The following MICAL3 variants were observed in gnomAD, a reference collection of about 807,000 sequenced individuals.
MICAL3 encodes microtubule associated monooxygenase, calponin and LIM domain containing 3, also known as [F-actin]-monooxygenase MICAL3.
A neutral mutation model predicts 207.4 loss-of-function variants in MICAL3; 62 were observed. The ratio of observed to expected loss-of-function variants is 0.30; its 90% confidence interval spans 0.24 to 0.37. MICAL3 has a LOEUF of 0.37. Ranked by LOEUF, MICAL3 falls within the 10% of genes least tolerant of loss-of-function variation. The pLI, the probability that MICAL3 is intolerant of heterozygous loss-of-function variation, is 1.00. For missense variants in MICAL3, 2,368 were observed against 2,635.6 expected, an observed-to-expected ratio of 0.90 and a Z score of 2.22; for synonymous variants, 1,077 against 1,069.3, an observed-to-expected ratio of 1.01 and a Z score of -0.14.
At chr22:18,023,403 A>G (rs13053861) in intron 1 of MICAL3, among the ~76,000 whole-genome samples, 22,295 of 152,002 alleles carry the variant, frequency 0.15, 1,894 homozygotes, top group Non-Finnish European at 0.19. Context: ...CTTTCAGCCT[A>G]CAGCTTGTCT....
intron 1 of MICAL3, among the ~76,000 whole-genome samples, chr22:17,932,231 A>C (rs368204189): frequency 5.3e-5 from 8 of 152,294 alleles, no homozygotes; most frequent in African/African-American, 1.9e-4. Flanking sequence ...CCAGAGAGAA[A>C]GGTCGAGTTA....
chr22:17,929,081 C>T lies in MICAL3; in HGVS notation c.-74-22195G>A, dbSNP rs571969230. 3.8e-4 allele frequency among the ~76,000 whole-genome samples: 57 copies of T among 149,114 alleles called. 1 individual carries two copies. The highest frequency in any genetic ancestry group is 1.9e-3 in the South Asian group (9 of 4,718). On this transcript the variant is annotated intron_variant, in intron 1 of 31. Transcript: ENST00000441493. ...GTGCTGGGATTACAAGCATGAGCCA[C>T]GGTGCCCGGCCCTTTTTTTTTTTTT... is the stretch of plus-strand genomic sequence containing the variant.
In MICAL3 at chr22:17,849,393, G is replaced by A. The variant is rs561829550; in HGVS notation, c.2606-7376C>T. The stretch of plus-strand genomic sequence containing the variant: ...TCTATTGTCCCAGCTACAGTGCACC[G>A]GTGCAATCATGGCTCAATGCAGACT... On this transcript the variant is annotated intron_variant, in intron 19 of 31. Transcript: ENST00000441493. Among the ~76,000 whole-genome samples, 38 of 152,310 alleles carry A rather than the reference G, an allele frequency of 2.5e-4. No individual in the cohort carries two copies. The East Asian group carries it at 3.7e-3, about 15-fold the overall frequency.
intron 19 of MICAL3, chr22:17,863,162 C>G: frequency 2.0e-6 from 2 of 985,450 alleles, no homozygotes; most frequent in Non-Finnish European, 2.4e-6. Context: ...AGAATGGCAA[C>G]CTCGACCAGA....
At chr22:17,866,613 CAGAATAGAAT>C (rs60628065) in intron 17 of MICAL3, among the ~76,000 whole-genome samples, 3,875 of 136,258 alleles carry the variant, frequency 0.028, 75 homozygotes, top group Middle Eastern at 0.043. Context: ...TAGAACAGAA[CAGAATAGAAT>C]AGAATAGAAT....
At chr22:17,961,017 G>A (rs1010531881) in intron 1 of MICAL3, among the ~76,000 whole-genome samples, 1 of 152,086 alleles carries the variant, frequency 6.6e-6, no homozygotes, top group Non-Finnish European at 1.5e-5. Flanking sequence ...GTCTGAGCAG[G>A]GAAGAATGAC....
At position 18,009,368 on chromosome 22, in the gene MICAL3, T is replaced by TAC. The variant is rs959849539; in HGVS notation, c.-75+14911_-75+14912dup. On this transcript the variant is annotated intron_variant, in intron 1 of 31. Transcript: ENST00000441493. ...TATTATATATAAAGATATATTAAAATACACACACACACACATTCTGTAGGA... is the reference window on the plus strand; with the variant it reads ...TATTATATATAAAGATATATTAAAATACACACACACACACACATTCTGTAGGA... Among the ~76,000 whole-genome samples, 29 of 107,212 alleles carry TAC rather than the reference T, an allele frequency of 2.7e-4. No homozygotes were observed. The East Asian group carries it at 3.5e-3, about 13-fold the overall frequency. 70.3% of individuals were successfully genotyped at this position (107,212 alleles called of 152,430 possible).
intron 1 of MICAL3, among the ~76,000 whole-genome samples, chr22:17,935,189 C>T (rs544612243): frequency 5.9e-5 from 9 of 152,216 alleles, no homozygotes; most frequent in African/African-American, 2.2e-4. Flanking sequence ...TACTACAAGG[C>T]TACAGTAACC....
chr22:18,013,565 A>G (rs549039689), intron 1 of MICAL3, among the ~76,000 whole-genome samples: 6 of 152,296 alleles, frequency 3.9e-5, no homozygotes, highest in South Asian at 2.1e-4. Flanking sequence ...CCCACTTCCC[A>G]CATAAAAATG....
Position 17,850,400 on chromosome 22 carries a change from G to GTT in MICAL3, c.2606-8385_2606-8384dup, listed in dbSNP as rs565667574. 4.8e-3 allele frequency among the ~76,000 whole-genome samples: 359 copies of GTT among 74,408 alleles called. 48 individuals are homozygous for GTT. The highest frequency in any genetic ancestry group is 0.013 in the African/African-American group (238 of 18,210). 48.8% of individuals were successfully genotyped at this position (74,408 alleles called of 152,430 possible). ...CTGTGGAACTTTTGCTTTTGAATTA[G>GTT]TTTTTTTTTTTTTTTTTTTTTTTTT... is the stretch of plus-strand genomic sequence containing the variant. On this transcript the variant is annotated intron_variant, in intron 19 of 31. Coordinates refer to ENST00000441493, the MANE Select transcript of MICAL3 (RefSeq NM_015241.3).
At chr22:17,934,562 C>T (rs1602246674) in intron 1 of MICAL3, among the ~76,000 whole-genome samples, 1 of 152,298 alleles carries the variant, frequency 6.6e-6, no homozygotes, top group South Asian at 2.1e-4. Context: ...CAAGGATGCC[C>T]TCTCTCACCA....
At chr22:17,852,989 C>T (rs141473252) in intron 19 of MICAL3, among the ~76,000 whole-genome samples, 4 of 151,544 alleles carry the variant, frequency 2.6e-5, no homozygotes, top group Admixed American at 6.6e-5. Context: ...GCAGGAGAAT[C>T]GCTTGAACCT....
chr22:17,861,903 C>T, intron 19 of MICAL3: 1 of 985,384 alleles, frequency 1.0e-6, no homozygotes, highest in African/African-American at 1.7e-5. Context: ...CTTTGAACTG[C>T]AGGTTGTAAT....
chr22:17,832,250 C>T (rs986709029), intron 20 of MICAL3, 143 bp from the exon 21 acceptor site: 43 of 1,123,928 alleles, frequency 3.8e-5, no homozygotes, highest in East Asian at 2.3e-4. Flanking sequence ...GAGGAGAGAG[C>T]GGCATCAGCA....
At chr22:17,829,075 G>A (rs751864487) in intron 21 of MICAL3, among the ~76,000 whole-genome samples, 3 of 152,128 alleles carry the variant, frequency 2.0e-5, no homozygotes, top group East Asian at 1.9e-4. Context: ...CAAGCCGTAT[G>A]TGGAGTATTA....
rs368949279 is a variant in MICAL3, at chr22:17,822,076, C to T, written c.3402G>A (p.Ser1134=). 2.5e-5 allele frequency: 41 copies of T among 1,613,858 alleles called. 1 individual carries two copies. Among genetic ancestry groups the T allele is most frequent in the African/African-American group, 8.0e-5 (6 of 74,952 alleles). The part of the protein sequence containing the change: ...EGEAELELRV[S]EDEEKLPASP... ...AGGCGGGCAGCTTCTCCTCATCTTC[C>T]GACACCCTCAGCTCCAGCTCTGCTT... is the stretch of plus-strand genomic sequence containing the variant. Residue 1134 remains serine, a synonymous_variant, in exon 24 of 32, where the codon TCG becomes TCA. Transcript: ENST00000441493.
At chr22:17,995,442 A>C (rs886421898) in intron 1 of MICAL3, among the ~76,000 whole-genome samples, 24 of 151,226 alleles carry the variant, frequency 1.6e-4, no homozygotes, top group African/African-American at 5.6e-4. Flanking sequence ...CCAGCCTCTC[A>C]AAGTGCTGGG....
chr22:17,791,237 G>C lies in MICAL3; in HGVS notation c.5715C>G (p.Asn1905Lys), dbSNP rs372404519. 1 of 1,613,852 alleles carries C rather than the reference G, an allele frequency of 6.2e-7. No homozygotes were observed. Among genetic ancestry groups the C allele is most frequent in the Non-Finnish European group, 8.5e-7 (1 of 1,179,860 alleles). Residue 1905 changes from asparagine to lysine, a missense_variant, in exon 30 of 32, where the codon AAC becomes AAG. Transcript: ENST00000441493. ...GCTCCGACTCGTAGCGCACCATGGCGTTCTTCTCCTGCACTAGCTTGAACC... is the reference window on the plus strand; with the variant it reads ...GCTCCGACTCGTAGCGCACCATGGCCTTCTTCTCCTGCACTAGCTTGAACC... ...QEWFKLVQEK[N>K]AMVRYESELM...
intron 20 of MICAL3, among the ~76,000 whole-genome samples, chr22:17,835,008 T>C (rs1376522876): frequency 6.6e-6 from 1 of 152,218 alleles, no homozygotes; most frequent in Non-Finnish European, 1.5e-5. Flanking sequence ...AGGGCCGCAC[T>C]GCAGTTCACT....
Sources: allele counts gnomAD v4.1 joint callset (sites outside exome capture counted in the v4.1 genomes callset), GRCh38; gene constraint gnomAD v4.1.1; transcripts MANE v1.5; gene names NCBI Gene and HGNC (gene_info 2026-07-23, HGNC 2026-07-21).